FAM193A: variants seen among roughly 807,000 people sequenced by gnomAD.
FAM193A encodes the protein protein FAM193A.
FAM193A carries 22 observed loss-of-function variants against 126.5 expected under a neutral mutation model. The observed-to-expected ratio is 0.17, with a 90% CI of 0.12 to 0.25. The LOEUF (loss-of-function observed/expected upper bound fraction) is 0.25, where lower values mean the gene tolerates loss of function less well. FAM193A is among the 10% of genes least tolerant of loss of function. The pLI is 1.00. For synonymous variants in FAM193A, 761 were observed against 646.8 expected (o/e 1.18, Z -2.68); for missense variants, 1,675 against 1,672.8 (o/e 1.00, Z -0.02).
chr4:2,699,094 T>C (rs1717364757), intron 18 of FAM193A, among the ~76,000 whole-genome samples: 1 of 152,142 alleles, frequency 6.6e-6, no homozygotes. Flanking sequence ...GACGGGGTTT[T>C]GCCATGTTGC....
chr4:2,561,621 C>T (rs28542723), intron 1 of FAM193A, among the ~76,000 whole-genome samples: 2 of 151,558 alleles, frequency 1.3e-5, no homozygotes, highest in East Asian at 1.9e-4. Flanking sequence ...CTCAGCCTGC[C>T]GAGTAGCTGG....
intron 12 of FAM193A, among the ~76,000 whole-genome samples, chr4:2,669,463 G>T (rs1487412718): frequency 1.3e-5 from 2 of 152,048 alleles, no homozygotes; most frequent in Non-Finnish European, 2.9e-5. Flanking sequence ...ACAAAAATTA[G>T]CCAGGCGTGC....
At chr4:2,596,008 G>A (rs1281347251) in intron 1 of FAM193A, 76 bp from the exon 2 acceptor site, 3 of 626,422 alleles carry the variant, frequency 4.8e-6, no homozygotes, top group Non-Finnish European at 8.6e-6. Context: ...TTTAGTTTTA[G>A]AACTATACAT....
At chr4:2,730,621 C>T (rs1195043644) in intron 20 of FAM193A, among the ~76,000 whole-genome samples, 9 of 150,330 alleles carry the variant, frequency 6.0e-5, no homozygotes, top group African/African-American at 9.8e-5. Flanking sequence ...ACCTGGGAGG[C>T]GAAGGTTGCA....
chr4:2,645,590 G>T (rs747823024), intron 6 of FAM193A, among the ~76,000 whole-genome samples: 1 of 151,756 alleles, frequency 6.6e-6, no homozygotes, highest in African/African-American at 2.4e-5. Flanking sequence ...GCAGTGGCGC[G>T]ATCTCGGCTC....
At chr4:2,617,539 C>T (rs1742284725) in intron 2 of FAM193A, among the ~76,000 whole-genome samples, 1 of 151,724 alleles carries the variant, frequency 6.6e-6, no homozygotes, top group South Asian at 2.1e-4. Flanking sequence ...GCTGGGATTA[C>T]AGGCATGAGC....
At chr4:2,648,508 T>C (rs1183287583) in intron 7 of FAM193A, among the ~76,000 whole-genome samples, 2 of 152,240 alleles carry the variant, frequency 1.3e-5, no homozygotes, top group African/African-American at 2.4e-5. Flanking sequence ...CCAGAGACTT[T>C]CCTGCTGTGG....
At chr4:2,578,005 A>T (rs1049559017) in intron 1 of FAM193A, among the ~76,000 whole-genome samples, 61 of 152,186 alleles carry the variant, frequency 4.0e-4, no homozygotes, top group African/African-American at 6.3e-4. Context: ...CTGGGAATAT[A>T]ATGACTATCC....
chr4:2,636,815 AT>A (rs1345648936), intron 5 of FAM193A, among the ~76,000 whole-genome samples: 1 of 152,138 alleles, frequency 6.6e-6, no homozygotes, highest in African/African-American at 2.4e-5. Context: ...CAACATGTTA[AT>A]TTGCTGTGCA....
chr4:2,560,065 C>G (rs1367094728), intron 1 of FAM193A, among the ~76,000 whole-genome samples: 1 of 151,872 alleles, frequency 6.6e-6, no homozygotes, highest in Non-Finnish European at 1.5e-5. Flanking sequence ...TTCAAGCCTG[C>G]CGAGTAGCTG....
intron 19 of FAM193A, among the ~76,000 whole-genome samples, chr4:2,702,959 C>T (rs1372365606): frequency 1.3e-5 from 2 of 152,154 alleles, no homozygotes; most frequent in Non-Finnish European, 2.9e-5. Flanking sequence ...TTCTCCCCTA[C>T]CCAGTTCCTC....
intron 13 of FAM193A, among the ~76,000 whole-genome samples, chr4:2,684,835 C>T (rs919977718): frequency 2.0e-5 from 3 of 152,220 alleles, no homozygotes; most frequent in African/African-American, 7.2e-5. Flanking sequence ...AGTGTCATTT[C>T]TCTCAGATCT....
intron 2 of FAM193A, among the ~76,000 whole-genome samples, chr4:2,599,238 T>G (rs1741051546): frequency 6.6e-6 from 1 of 152,084 alleles, no homozygotes; most frequent in African/African-American, 2.4e-5. Flanking sequence ...TCTAACCACT[T>G]TTATGGCCTC....
At chr4:2,716,826 A>C (rs1369524745) in intron 20 of FAM193A, among the ~76,000 whole-genome samples, 1 of 150,818 alleles carries the variant, frequency 6.6e-6, no homozygotes, top group East Asian at 2.0e-4. Flanking sequence ...ACAGGCGCCC[A>C]CAACCACACC....
intron 1 of FAM193A, among the ~76,000 whole-genome samples, chr4:2,563,535 CAAAA>C (rs1218863018): frequency 8.1e-6 from 1 of 123,806 alleles, no homozygotes; most frequent in African/African-American, 2.8e-5. Flanking sequence ...CAAAAAAAAA[CAAAA>C]AAAAAAACCT....
At chr4:2,611,871 CTT>C (rs1741895729) in intron 2 of FAM193A, among the ~76,000 whole-genome samples, 1 of 146,538 alleles carries the variant, frequency 6.8e-6, no homozygotes, top group African/African-American at 2.6e-5. Context: ...GTCTCTCGCT[CTT>C]TTGTCCAGGC....
At chr4:2,540,118 C>CAAAAAAAA (rs35943546) in intron 1 of FAM193A, among the ~76,000 whole-genome samples, 1 of 137,936 alleles carries the variant, frequency 7.2e-6, no homozygotes, top group Non-Finnish European at 1.6e-5. Context: ...AACTCTGTCT[C>CAAAAAAAA]AAAAAAAAAA....
At chr4:2,694,007 A>C in intron 16 of FAM193A, 133 bp downstream of exon 16, 2 of 964,276 alleles carry the variant, frequency 2.1e-6, no homozygotes, top group Non-Finnish European at 3.1e-6. Flanking sequence ...GAATGCAGGG[A>C]TGTCCCCAGC....
At position 2,705,697 on chromosome 4, in the gene FAM193A, C is replaced by A. The variant is rs147389197; in HGVS notation, c.4372+5153C>A. 9.5e-3 allele frequency among the ~76,000 whole-genome samples: 1,439 copies of A among 152,002 alleles called. 9 individuals are homozygous for A. The highest frequency in any genetic ancestry group is 0.014 in the Non-Finnish European group (980 of 67,992). ...CTGGAACTCCTGGGCTCAAGTGATTCTCCCGCCTCAGCCTCCTGAGTAGCT... is the reference window on the plus strand; with the variant it reads ...CTGGAACTCCTGGGCTCAAGTGATTATCCCGCCTCAGCCTCCTGAGTAGCT... On this transcript the variant is annotated intron_variant, in intron 19 of 20. Transcript: ENST00000637812.
Sources: allele counts gnomAD v4.1 joint callset (sites outside exome capture counted in the v4.1 genomes callset), GRCh38; gene constraint gnomAD v4.1.1; transcripts MANE v1.5; gene names NCBI Gene and HGNC (gene_info 2026-07-23, HGNC 2026-07-21).